TMOD1: variants seen among roughly 807,000 people sequenced by gnomAD.
TMOD1 encodes the protein tropomodulin-1.
A neutral mutation model predicts 40.6 loss-of-function variants in TMOD1; 17 were observed. The ratio of observed to expected loss-of-function variants is 0.42; its 90% CI spans 0.29 to 0.63. TMOD1 has a LOEUF of 0.63. TMOD1 is among the 20% of genes least tolerant of loss of function. The pLI is 0.22. For synonymous variants in TMOD1, 181 were observed against 175.0 expected, an observed-to-expected ratio of 1.03 and a Z score of -0.27; for missense variants, 391 against 447.6, an observed-to-expected ratio of 0.87 and a Z score of 1.14.
At chr9:97,590,960 C>G (rs146124149) in intron 8 of TMOD1, among the ~76,000 whole-genome samples, 1 of 152,280 alleles carries the variant, frequency 6.6e-6, no homozygotes, top group Non-Finnish European at 1.5e-5. Flanking sequence ...TTTTAAAAGT[C>G]TCCTTAGGAC....
At chr9:97,597,465 G>A (rs111261763) in intron 9 of TMOD1, among the ~76,000 whole-genome samples, 118 of 152,192 alleles carry the variant, frequency 7.8e-4, no homozygotes, top group Non-Finnish European at 1.1e-3. Context: ...TTGGGAAGCC[G>A]AGGCAGGCAG....
intron 8 of TMOD1, among the ~76,000 whole-genome samples, chr9:97,586,320 G>A (rs1011143072): frequency 6.6e-6 from 1 of 152,164 alleles, no homozygotes; most frequent in African/African-American, 2.4e-5. Context: ...GCTGCCCGGG[G>A]GTCAGGGGTC....
At chr9:97,528,087 C>T (rs1043651115) in intron 2 of TMOD1, among the ~76,000 whole-genome samples, 10 of 152,136 alleles carry the variant, frequency 6.6e-5, no homozygotes, top group African/African-American at 2.2e-4. Flanking sequence ...GTCTGCCACC[C>T]GACATATCAG....
chr9:97,530,758 G>T (rs1343102040), intron 2 of TMOD1, among the ~76,000 whole-genome samples: 3 of 149,138 alleles, frequency 2.0e-5, no homozygotes, highest in African/African-American at 7.4e-5. Context: ...CAAAGTGCTG[G>T]GATTACAGGC....
chr9:97,599,736 G>GTTC lies in TMOD1; in HGVS notation c.*40_*42dup. 3 of 1,613,826 alleles carry GTTC rather than the reference G, an allele frequency of 1.9e-6. No individual in the cohort carries two copies. Among genetic ancestry groups the GTTC allele is most frequent in the Non-Finnish European group, 2.5e-6 (3 of 1,179,958 alleles). On this transcript the variant is annotated 3_prime_UTR_variant, in exon 10 of 10. Transcript: ENST00000259365. ...GAGTCCATGCCTTTGAACTGGATGT[G>GTTC]TTCTATTGATGACCTGTGCTCTGCA...
At chr9:97,544,093 T>C (rs1220954299) in intron 2 of TMOD1, among the ~76,000 whole-genome samples, 1 of 152,174 alleles carries the variant, frequency 6.6e-6, no homozygotes, top group African/African-American at 2.4e-5. Context: ...CCAAGCCCAT[T>C]ATCTGTCTGT....
chr9:97,575,158 CCG>C (rs1212402999), intron 8 of TMOD1, among the ~76,000 whole-genome samples: 1 of 152,216 alleles, frequency 6.6e-6, no homozygotes, highest in Non-Finnish European at 1.5e-5. Context: ...GTAACACTCA[CCG>C]CGAAGGTCTG....
Position 97,546,205 on chromosome 9 carries a change from C to T in TMOD1, c.141C>T (p.Gly47=). ...LDPDNALLPA[G]LRQKDQTTKA... Reference sequence around the variant, plus strand: ...TGTAGAATGCACTGCTGCCTGCAGGCCTGAGGCAGAAGGATCAGACCACCA... The same window carrying T: ...TGTAGAATGCACTGCTGCCTGCAGGTCTGAGGCAGAAGGATCAGACCACCA... The change falls in exon 3 of 10, where the codon GGC becomes GGT. Residue 47 remains glycine (G), a synonymous_variant. Transcript: ENST00000259365. 6.2e-7 allele frequency: 1 copy of T among 1,613,438 alleles called. No homozygotes were observed. The highest frequency in any genetic ancestry group is 8.5e-7 in the Non-Finnish European group (1 of 1,179,876).
intron 8 of TMOD1, among the ~76,000 whole-genome samples, chr9:97,573,310 G>C (rs1458994318): frequency 1.3e-5 from 2 of 152,194 alleles, no homozygotes; most frequent in African/African-American, 2.4e-5. Context: ...CCACAAATGA[G>C]AATATGTATA....
chr9:97,533,376 A>G (rs1029110015), intron 2 of TMOD1, among the ~76,000 whole-genome samples: 12 of 152,232 alleles, frequency 7.9e-5, no homozygotes, highest in African/African-American at 2.4e-4. Context: ...GTCCACTAGA[A>G]TCTAAGTTTT....
intron 2 of TMOD1, 75 bp downstream of exon 2, chr9:97,524,383 A>G: frequency 6.5e-7 from 1 of 1,531,040 alleles, no homozygotes; most frequent in South Asian, 1.2e-5. Context: ...TGCTTCCTAA[A>G]GCCACCACTT....
intron 7 of TMOD1, among the ~76,000 whole-genome samples, chr9:97,567,568 G>T (rs1023045137): frequency 6.6e-6 from 1 of 152,240 alleles, no homozygotes; most frequent in Admixed American, 6.5e-5. Flanking sequence ...CAGCCTAGCA[G>T]GTTGCCTACT....
intron 1 of TMOD1, among the ~76,000 whole-genome samples, chr9:97,503,463 A>G (rs905584006): frequency 1.3e-5 from 2 of 152,186 alleles, no homozygotes; most frequent in Non-Finnish European, 2.9e-5. Flanking sequence ...ATGGAGTCAG[A>G]TAATAAAGTT....
chr9:97,526,191 T>C (rs1419773128), intron 2 of TMOD1, among the ~76,000 whole-genome samples: 1 of 152,236 alleles, frequency 6.6e-6, no homozygotes, highest in African/African-American at 2.4e-5. Flanking sequence ...AGAACATGTG[T>C]CATGGAATGA....
chr9:97,511,796 G>T (rs1829704459), intron 1 of TMOD1, among the ~76,000 whole-genome samples: 1 of 152,102 alleles, frequency 6.6e-6, no homozygotes, highest in African/African-American at 2.4e-5. Flanking sequence ...TGTTGCCCAG[G>T]CTGGTTTCAA....
chr9:97,502,105 T>G lies in TMOD1; in HGVS notation c.-49+302T>G, dbSNP rs1829511519. 6.6e-6 allele frequency among the ~76,000 whole-genome samples: 1 copy of G among 151,498 alleles called. No homozygotes were observed. Among genetic ancestry groups the G allele is most frequent in the African/African-American group, 2.4e-5 (1 of 41,252 alleles). On this transcript the variant is annotated intron_variant, in intron 1 of 9. Coordinates refer to ENST00000259365, the MANE Select transcript of TMOD1 (RefSeq NM_003275.4). This position sits in a 1 kb window ranked among gnomAD's most constrained non-coding sequence, Gnocchi z 6.1. ...CTGTGAACGCGAGAAGGACCCGGGG[T>G]TCTGGAGGAGACGGCGCCCCGGGCT...
intron 1 of TMOD1, among the ~76,000 whole-genome samples, chr9:97,519,529 G>A (rs1829881849): frequency 6.6e-6 from 1 of 152,186 alleles, no homozygotes; most frequent in African/African-American, 2.4e-5. Flanking sequence ...GGGAGCCCCA[G>A]CGGCTTCATC....
At chr9:97,590,368 T>G (rs1440495945) in intron 8 of TMOD1, among the ~76,000 whole-genome samples, 1 of 151,806 alleles carries the variant, frequency 6.6e-6, no homozygotes, top group African/African-American at 2.4e-5. Flanking sequence ...GGACTACAGG[T>G]GCCCGCCATC....
rs1384311072 is a variant in TMOD1 at position 97,557,730 on chromosome 9, G to GC, written c.397+4330_397+4331insC. Among the ~76,000 whole-genome samples the GC allele has an allele frequency of 6.6e-6, 1 of 152,218 alleles. No individual in the cohort carries two copies. Among genetic ancestry groups the GC allele is most frequent in the African/African-American group, 2.4e-5 (1 of 41,452 alleles). ...GCTGGCAGCAGGAGGAGCCGGGGAT[G>GC]TGTGCTGTTATCTCTCTGCGTCCTG... On this transcript the variant is annotated intron_variant, in intron 4 of 9. Transcript: ENST00000259365. This position sits in a 1 kb window ranked among gnomAD's most constrained non-coding sequence, Gnocchi z 4.4.
Sources: allele counts gnomAD v4.1 joint callset (sites outside exome capture counted in the v4.1 genomes callset), GRCh38; gene constraint gnomAD v4.1.1; non-coding constraint Gnocchi (gnomAD v3.1); transcripts MANE v1.5; gene names NCBI Gene and HGNC (gene_info 2026-07-23, HGNC 2026-07-21).